The following MTMR4 variants were observed in gnomAD, a reference collection of about 807,000 sequenced individuals.
MTMR4 encodes the protein phosphatidylinositol-3,5-bisphosphate 3-phosphatase MTMR4.
MTMR4 carries 30 observed loss-of-function variants against 125.5 expected under a neutral mutation model. The observed-to-expected ratio is 0.24, with a 90% CI of 0.18 to 0.32. MTMR4 has a LOEUF of 0.32. MTMR4 is among the 10% of genes least tolerant of loss of function. The pLI, the probability that MTMR4 is intolerant of heterozygous loss-of-function variation, is 1.00. For missense variants in MTMR4, 1,039 were observed against 1,511.5 expected (o/e 0.69, Z 5.18); for synonymous variants, 498 against 564.5 (o/e 0.88, Z 1.67).
intron 9 of MTMR4, among the ~76,000 whole-genome samples, chr17:58,506,056 T>A (rs1229363660): frequency 3.3e-5 from 5 of 152,232 alleles, no homozygotes; most frequent in African/African-American, 1.2e-4. Context: ...CTTGTATCTC[T>A]GGAGACTCAG....
At chr17:58,518,087 T>C (rs1477574540), upstream of MTMR4, among the ~76,000 whole-genome samples, 2 of 152,138 alleles carry the variant, frequency 1.3e-5, no homozygotes, top group Non-Finnish European at 2.9e-5. Flanking sequence ...AAGACGAGAC[T>C]ATACCTGGAG....
upstream of MTMR4, among the ~76,000 whole-genome samples, chr17:58,516,244 C>T (rs1011278577): frequency 6.6e-6 from 1 of 152,110 alleles, no homozygotes; most frequent in Non-Finnish European, 1.5e-5. Flanking sequence ...CTTTTCAGAC[C>T]AGAACACAGA....
intron 15 of MTMR4, among the ~76,000 whole-genome samples, chr17:58,493,339 T>G (rs1975364613): frequency 6.6e-6 from 1 of 152,252 alleles, no homozygotes; most frequent in Non-Finnish European, 1.5e-5. Context: ...TTCATTTACT[T>G]ACTGTCTATG....
chr17:58,495,373 G>C lies in MTMR4; in HGVS notation c.2811C>G (p.Thr937=), dbSNP rs199824250. 6.2e-7 allele frequency: 1 copy of C among 1,614,222 alleles called. No homozygotes were observed. Among genetic ancestry groups the C allele is most frequent in the Non-Finnish European group, 8.5e-7 (1 of 1,180,050 alleles). ...AGCCATAGGAAAGCAGCCGCCGAGG[G>C]GTGGCCTCCCCACTTGGGAATGAAG... is the stretch of plus-strand genomic sequence containing the variant. ...MVTSFPSGEA[T]PRRLLSYGCC... The change falls in exon 15 of 18, where the codon ACC becomes ACG. Residue 937 remains threonine, a synonymous_variant. Transcript: ENST00000682306.
chr17:58,500,619 G>A (rs548445166), intron 14 of MTMR4, among the ~76,000 whole-genome samples: 2 of 151,904 alleles, frequency 1.3e-5, no homozygotes, highest in Non-Finnish European at 2.9e-5. Context: ...GTGTGGTGGT[G>A]GGCACCTGTA....
intron 9 of MTMR4, among the ~76,000 whole-genome samples, chr17:58,505,996 C>T (rs1287955452): frequency 1.3e-5 from 2 of 152,198 alleles, no homozygotes; most frequent in African/African-American, 4.8e-5. Flanking sequence ...CCTGGCAGGG[C>T]AGAGCACTCC....
Position 58,512,616 on chromosome 17 carries a change from G to C in MTMR4, c.136-110C>G. On this transcript the variant is annotated intron_variant, in intron 2 of 17. Transcript: ENST00000682306. This position sits in a 1 kb window ranked among gnomAD's most constrained non-coding sequence, Gnocchi z 4.1. ...CTGGAAAAGGTGGGCCAAGGCAAGA[G>C]AGGAGAGTTCTCTCCACGGTAACAG... The C allele has an allele frequency of 1.1e-6, 1 of 945,982 alleles. No homozygotes were observed. The highest frequency in any genetic ancestry group is 1.9e-5 in the Admixed American group (1 of 53,950). The allele number at this position is 945,982 out of a possible 1,614,324, so 58.6% of individuals were successfully genotyped here. A position where few individuals can be genotyped will look rare whatever the true frequency, so the allele number is the denominator to read the frequency against.
In MTMR4 at chr17:58,495,300, AG is replaced by A; in HGVS notation, c.2883del (p.Cys962AlafsTer12). 1 of 1,614,232 alleles carries A rather than the reference AG, an allele frequency of 6.2e-7. No homozygotes were observed. The highest frequency in any genetic ancestry group is 8.5e-7 in the Non-Finnish European group (1 of 1,180,036). ...PNSKQMRATG[P>X]CFGGQWAQRE... The stretch of plus-strand genomic sequence containing the variant: ...CTCTGAGCCCACTGGCCCCCAAAGC[AG>A]GGCCCTGTGGCCCGCATCTGCTTAC... On this transcript the variant is annotated frameshift_variant, in exon 15 of 18. Transcript: ENST00000682306. LOFTEE classifies it high-confidence loss of function.
intron 4 of MTMR4, among the ~76,000 whole-genome samples, chr17:58,510,132 G>A (rs1384732634): frequency 6.6e-6 from 1 of 152,198 alleles, no homozygotes; most frequent in Non-Finnish European, 1.5e-5. Context: ...ATAGCAGCCA[G>A]TGTGATTCTA....
At chr17:58,516,696 C>T (rs540167327), upstream of MTMR4, 56 of 1,241,858 alleles carry the variant, frequency 4.5e-5, no homozygotes, top group Middle Eastern at 1.9e-3. Context: ...CACACATCTA[C>T]CCCTGACCTT....
At chr17:58,515,754 G>A (rs1478506605), upstream of MTMR4, among the ~76,000 whole-genome samples, 1 of 152,140 alleles carries the variant, frequency 6.6e-6, no homozygotes, top group East Asian at 1.9e-4. Context: ...AACCAATAGT[G>A]CACACACCAA....
intron 4 of MTMR4, among the ~76,000 whole-genome samples, chr17:58,509,483 A>G (rs1598225166): frequency 6.7e-6 from 1 of 149,110 alleles, no homozygotes; most frequent in South Asian, 2.1e-4. Flanking sequence ...TAGTGGCACG[A>G]TCACAGCTCC....
chr17:58,503,389 T>G (rs1316462162), intron 14 of MTMR4, among the ~76,000 whole-genome samples: 1 of 152,168 alleles, frequency 6.6e-6, no homozygotes, highest in Non-Finnish European at 1.5e-5. Flanking sequence ...GGCTCACGCC[T>G]GTAATCCCAT....
At chr17:58,501,429 G>A (rs1178238516) in intron 14 of MTMR4, among the ~76,000 whole-genome samples, 2 of 151,716 alleles carry the variant, frequency 1.3e-5, no homozygotes, top group East Asian at 1.9e-4. Flanking sequence ...GGAGTTTGAG[G>A]TTACTATAAT....
rs1467953555 is a variant in MTMR4 at position 58,495,899 on chromosome 17, A to G, written c.2285T>C (p.Ile762Thr). ...AGGACAATGTTCAGGTGGCTCCCCT[A>G]TGCCATCTAAAGTCCTACCCAGCTC... ...QDELGRTLDG[I>T]GEPPEHCPET... Residue 762 changes from isoleucine to threonine, a missense_variant, in exon 15 of 18, where the codon ATA (isoleucine) becomes ACA (threonine). Ile to Thr is a moderately conservative substitution (Grantham distance 89). Coordinates refer to ENST00000682306, the MANE Select transcript of MTMR4 (RefSeq NM_001378067.1). 1.9e-6 allele frequency: 3 copies of G among 1,614,052 alleles called. No individual in the cohort carries two copies. Among genetic ancestry groups the G allele is most frequent in the Non-Finnish European group, 2.5e-6 (3 of 1,180,038 alleles).
At chr17:58,503,958 T>G (rs757775499) in intron 13 of MTMR4, 60 bp from the exon 14 acceptor site, 1 of 1,574,616 alleles carries the variant, frequency 6.4e-7, no homozygotes, top group Non-Finnish European at 8.6e-7. Context: ...TTTCTTTCCC[T>G]AAGCCCTTGA....
rs540706858 is a variant in MTMR4 at position 58,512,391 on chromosome 17, T to C, written c.251A>G (p.Asn84Ser). The C allele has an allele frequency of 1.2e-5, 19 of 1,610,490 alleles. No homozygotes were observed. The highest frequency in any genetic ancestry group is 1.7e-5 in the Admixed American group (1 of 60,026). The change falls in exon 3 of 18, where the codon AAC becomes AGC. Residue 84 changes from asparagine to serine, a missense_variant and splice_region_variant. Around this residue, in one of 6 missense-constraint regions of MTMR4, gnomAD observed 202 missense variants for 311.9 expected, o/e 0.65. Transcript: ENST00000682306. The surrounding 1 kb of genome is among the most constrained non-coding windows in gnomAD (Gnocchi z 4.1). The stretch of plus-strand genomic sequence containing the variant: ...TAGGAGAACAATACAGAAACTCACG[T>C]TGATGACAGAGTCCTTGAATTTGAT... ...LHIKFKDSVINVPLRMIDSVE... is the reference protein window; with the variant it reads ...LHIKFKDSVISVPLRMIDSVE...
Position 58,512,635 on chromosome 17 carries a change from G to A in MTMR4, c.136-129C>T. 2 of 840,508 alleles carry A rather than the reference G, an allele frequency of 2.4e-6. No homozygotes were observed. The highest frequency in any genetic ancestry group is 3.9e-6 in the Non-Finnish European group (2 of 511,200). 52.1% of individuals were successfully genotyped at this position (840,508 alleles called of 1,614,324 possible). Reference sequence around the variant, plus strand: ...GCAAGAGAGGAGAGTTCTCTCCACGGTAACAGCACCAGGCAACAGCTGTAC... The same window carrying A: ...GCAAGAGAGGAGAGTTCTCTCCACGATAACAGCACCAGGCAACAGCTGTAC... On this transcript the variant is annotated intron_variant, in intron 2 of 17. Coordinates refer to ENST00000682306, the MANE Select transcript of MTMR4 (RefSeq NM_001378067.1). This position sits in a 1 kb window ranked among gnomAD's most constrained non-coding sequence, Gnocchi z 4.1.
At chr17:58,511,055 T>A (rs1226740130) in intron 4 of MTMR4, 1 of 157,220 alleles carries the variant, frequency 6.4e-6, no homozygotes, top group Non-Finnish European at 1.4e-5. Flanking sequence ...CCCTGCTGTA[T>A]CCCCAGGGCT....
Sources: gnomAD v4.1 joint callset for allele counts (sites outside exome capture counted in the v4.1 genomes callset) on GRCh38, gnomAD v4.1.1 for gene constraint, gnomAD v4.1.1 regional missense constraint, Gnocchi (gnomAD v3.1) non-coding constraint, MANE v1.5 for transcripts, NCBI Gene and HGNC (gene_info 2026-07-23, HGNC 2026-07-21) for gene names.